TUT4: variants seen among roughly 807,000 people sequenced by gnomAD.
TUT4 encodes the protein terminal uridylyl transferase 4, also known as terminal uridylyltransferase 4.
TUT4 carries 36 observed loss-of-function variants against 192.2 expected under a neutral mutation model. The ratio of observed to expected loss-of-function variants is 0.19; its 90% CI spans 0.14 to 0.25. The LOEUF is 0.25. Ranked by LOEUF, TUT4 falls within the 10% of genes least tolerant of loss-of-function variation. TUT4 has a pLI of 1.00. For missense variants in TUT4, 1,493 were observed against 1,957.2 expected (o/e 0.76, Z 4.47); for synonymous variants, 618 against 666.0 (o/e 0.93, Z 1.11).
intron 19 of TUT4, among the ~76,000 whole-genome samples, chr1:52,459,667 G>C (rs1185559505): frequency 6.6e-6 from 1 of 151,976 alleles, no homozygotes; most frequent in Non-Finnish European, 1.5e-5. Context: ...GGGCGGAGGA[G>C]GTCAGGAGTT....
chr1:52,451,742 C>T (rs963337110), intron 20 of TUT4, among the ~76,000 whole-genome samples: 1 of 151,422 alleles, frequency 6.6e-6, no homozygotes, highest in Non-Finnish European at 1.5e-5. Context: ...ACTCCAGAGG[C>T]TGAGGAAGGA....
rs542949016 is a variant in TUT4 at position 52,479,982 on chromosome 1, G to A, written c.1848+1441C>T. On this transcript the variant is annotated intron_variant, in intron 11 of 29. Coordinates refer to ENST00000257177, the MANE Select transcript of TUT4 (RefSeq NM_001009881.3). ...TGCACTCCAGCCTGGGCGACAGAGC[G>A]AGACTCCGTCTCAGGAAAAAAAAAA... Among the ~76,000 whole-genome samples, 131 of 141,556 alleles carry A rather than the reference G, an allele frequency of 9.3e-4. 3 individuals carry two copies. The South Asian group carries it at 0.026, about 28-fold the overall frequency. 92.9% of individuals were successfully genotyped at this position (141,556 alleles called of 152,430 possible).
chr1:52,476,171 G>A (rs1667026976), intron 12 of TUT4, among the ~76,000 whole-genome samples: 2 of 151,880 alleles, frequency 1.3e-5, no homozygotes, highest in South Asian at 4.2e-4. Context: ...ATAGTTATAT[G>A]CTCTTTGCAA....
chr1:52,431,765 A>G (rs1652148234), intron 27 of TUT4: 2 of 189,828 alleles, frequency 1.1e-5, no homozygotes, highest in Non-Finnish European at 2.2e-5. Flanking sequence ...TCAGTCCCTC[A>G]ACAAGTATTT....
chr1:52,536,569 T>G (rs768258374), intron 1 of TUT4, among the ~76,000 whole-genome samples: 1 of 152,156 alleles, frequency 6.6e-6, no homozygotes, highest in Non-Finnish European at 1.5e-5. Flanking sequence ...AAAAGAGAGA[T>G]TGGCCAGGCG....
At chr1:52,548,754 A>AT (rs1688694678) in intron 1 of TUT4, among the ~76,000 whole-genome samples, 1 of 152,232 alleles carries the variant, frequency 6.6e-6, no homozygotes, top group Non-Finnish European at 1.5e-5. Context: ...GTTAACAAAC[A>AT]TACCTATTTC....
At chr1:52,549,380 AT>A (rs979972859) in intron 1 of TUT4, among the ~76,000 whole-genome samples, 3 of 152,118 alleles carry the variant, frequency 2.0e-5, no homozygotes, top group African/African-American at 7.2e-5. Context: ...CCCAAGGCTC[AT>A]TACAATTTAT....
chr1:52,424,142 G>T, intron 29 of TUT4, 140 bp from the exon 30 acceptor site: 1 of 780,752 alleles, frequency 1.3e-6, no homozygotes, highest in South Asian at 1.8e-5. Flanking sequence ...AAACATTTGA[G>T]AGGGTGGGGA....
In TUT4 at chr1:52,453,301, G is replaced by A. The variant is rs148760473; in HGVS notation, c.3435+5035C>T. On this transcript the variant is annotated intron_variant, in intron 20 of 29. Coordinates refer to ENST00000257177, the MANE Select transcript of TUT4 (RefSeq NM_001009881.3). ...GGAGGCTGAGGCAGGAGAATCGCTTGAACCCAGGAGGCGGAGGCTGGAGTA... is the reference window on the plus strand; with the variant it reads ...GGAGGCTGAGGCAGGAGAATCGCTTAAACCCAGGAGGCGGAGGCTGGAGTA... 3.5e-3 allele frequency among the ~76,000 whole-genome samples: 539 copies of A among 151,996 alleles called. 8 individuals carry two copies. The highest frequency in any genetic ancestry group is 0.034 in the South Asian group (163 of 4,816).
At chr1:52,481,388 T>G in intron 11 of TUT4, 35 bp downstream of exon 11, 2 of 1,600,924 alleles carry the variant, frequency 1.2e-6, no homozygotes, top group South Asian at 1.1e-5. Flanking sequence ...ATTCTACAGA[T>G]AGAAAAGCCA....
chr1:52,431,404 C>G lies in TUT4; in HGVS notation c.4320G>C (p.Gln1440His). Residue 1440 changes from glutamine to histidine, a missense_variant, in exon 28 of 30, where the codon CAG becomes CAC. Coordinates refer to ENST00000257177, the MANE Select transcript of TUT4 (RefSeq NM_001009881.3). ...QPQPFPQNSSQSAAITQPSSQ... is the reference protein window; with the variant it reads ...QPQPFPQNSSHSAAITQPSSQ... ...ATGAAGGCTGAGTAATAGCAGCTGA[C>G]TGGGAAGAGTTCTGTGGAAATGGCT... 1 of 1,613,864 alleles carries G rather than the reference C, an allele frequency of 6.2e-7. No individual in the cohort carries two copies. Among genetic ancestry groups the G allele is most frequent in the Non-Finnish European group, 8.5e-7 (1 of 1,179,984 alleles).
At chr1:52,448,762 G>T (rs1658402190) in intron 20 of TUT4, among the ~76,000 whole-genome samples, 1 of 152,036 alleles carries the variant, frequency 6.6e-6, no homozygotes, top group Non-Finnish European at 1.5e-5. Context: ...TGTAAACACA[G>T]ATTTATTTGC....
chr1:52,537,029 G>T (rs184324867), intron 1 of TUT4, among the ~76,000 whole-genome samples: 1 of 151,466 alleles, frequency 6.6e-6, no homozygotes, highest in African/African-American at 2.4e-5. Context: ...GCATGGTGGC[G>T]TGCGCCCATA....
At chr1:52,545,966 CAAAAAAAA>C (rs71041901) in intron 1 of TUT4, among the ~76,000 whole-genome samples, 56 of 72,408 alleles carry the variant, frequency 7.7e-4, no homozygotes, top group African/African-American at 1.5e-3. Context: ...TACAAAAATA[CAAAAAAAA>C]AAAAAAAAAA....
intron 9 of TUT4, among the ~76,000 whole-genome samples, chr1:52,488,640 A>G (rs891054896): frequency 1.3e-5 from 2 of 152,236 alleles, no homozygotes; most frequent in African/African-American, 4.8e-5. Context: ...GCTGATATGA[A>G]AGAGAACATT....
intron 20 of TUT4, among the ~76,000 whole-genome samples, chr1:52,455,546 C>T (rs1000732119): frequency 7.0e-6 from 1 of 142,564 alleles, no homozygotes; most frequent in Non-Finnish European, 1.5e-5. Context: ...GAAGTTGAGG[C>T]TGCAGGGAGC....
intron 6 of TUT4, among the ~76,000 whole-genome samples, chr1:52,493,964 ACT>A (rs1671835924): frequency 6.8e-6 from 1 of 146,226 alleles, no homozygotes; most frequent in Non-Finnish European, 1.5e-5. Context: ...TCCAGCTAAT[ACT>A]TTTTTTTTTT....
chr1:52,473,223 CA>C (rs1360001418), intron 13 of TUT4, among the ~76,000 whole-genome samples: 1 of 152,012 alleles, frequency 6.6e-6, no homozygotes, highest in Non-Finnish European at 1.5e-5. Context: ...TAAAATGCAA[CA>C]GATGTATATT....
chr1:52,505,751 GA>G (rs1675362294), intron 4 of TUT4, among the ~76,000 whole-genome samples: 1 of 151,712 alleles, frequency 6.6e-6, no homozygotes, highest in East Asian at 1.9e-4. Flanking sequence ...AAGCATTTTT[GA>G]AAACGCTTTT....
Sources: gnomAD v4.1 joint callset for allele counts (sites outside exome capture counted in the v4.1 genomes callset) on GRCh38, gnomAD v4.1.1 for gene constraint, MANE v1.5 for transcripts, NCBI Gene and HGNC (gene_info 2026-07-23, HGNC 2026-07-21) for gene names.